The following KIAA0319L variants were observed in gnomAD, a reference collection of about 807,000 sequenced individuals.
The protein encoded by KIAA0319L is dyslexia-associated protein KIAA0319-like protein.
Under a neutral mutation model 120.1 loss-of-function variants are expected in KIAA0319L, and 55 were observed. The observed-to-expected ratio is 0.46, with a 90% CI of 0.37 to 0.57. The LOEUF is 0.57. Ranked by LOEUF, KIAA0319L falls within the 20% of genes least tolerant of loss-of-function variation. The pLI, the probability that KIAA0319L is intolerant of heterozygous loss-of-function variation, is 0.00. For synonymous variants in KIAA0319L, 398 were observed against 471.9 expected (o/e 0.84, Z 2.03); for missense variants, 1,049 against 1,255.3 (o/e 0.84, Z 2.48).
chr1:35,447,569 T>C (rs1257178536), intron 16 of KIAA0319L, among the ~76,000 whole-genome samples: 1 of 151,034 alleles, frequency 6.6e-6, no homozygotes, highest in Non-Finnish European at 1.5e-5. Flanking sequence ...TTCCCCTTTT[T>C]TTTTCTTTTT....
chr1:35,509,779 A>C (rs1645353353), intron 2 of KIAA0319L: 1 of 153,124 alleles, frequency 6.5e-6, no homozygotes, highest in African/African-American at 2.4e-5. Flanking sequence ...GAATGGAGAT[A>C]ACCTAATAAT....
chr1:35,549,484 C>G (rs1183298515), intron 2 of KIAA0319L, among the ~76,000 whole-genome samples: 1 of 152,168 alleles, frequency 6.6e-6, no homozygotes, highest in Non-Finnish European at 1.5e-5. Context: ...TCTCTGTACT[C>G]AAAATACGTA....
In KIAA0319L at chr1:35,541,183, C is replaced by T. The variant is rs536828389; in HGVS notation, c.142+13167G>A. On this transcript the variant is annotated intron_variant, in intron 2 of 20. Transcript: ENST00000325722. ...TCTCAAACTTCTGGCCTCAAACGAT[C>T]CACCTGCCTCGGCCTCCCAAACTGC... 4.6e-5 allele frequency among the ~76,000 whole-genome samples: 7 copies of T among 152,184 alleles called. No homozygotes were observed. The East Asian group carries it at 7.7e-4, about 17-fold the overall frequency.
intron 2 of KIAA0319L, among the ~76,000 whole-genome samples, chr1:35,539,136 C>T (rs1442918230): frequency 1.3e-5 from 2 of 152,154 alleles, no homozygotes; most frequent in Admixed American, 1.3e-4. Context: ...CGTACACATA[C>T]GGCCTTTACT....
intron 20 of KIAA0319L, 99 bp from the exon 21 acceptor site, chr1:35,435,180 A>T: frequency 9.5e-7 from 1 of 1,055,148 alleles, no homozygotes; most frequent in East Asian, 2.4e-5. Context: ...GAACAGGGCA[A>T]GTCACAGGCT....
At chr1:35,545,271 G>A (rs1646941214) in intron 2 of KIAA0319L, among the ~76,000 whole-genome samples, 1 of 152,242 alleles carries the variant, frequency 6.6e-6, no homozygotes, top group East Asian at 1.9e-4. Context: ...AGAGTGAAGA[G>A]TGAAGCAATC....
intron 2 of KIAA0319L, among the ~76,000 whole-genome samples, chr1:35,545,243 G>A (rs1646939902): frequency 6.6e-6 from 1 of 152,122 alleles, no homozygotes; most frequent in Admixed American, 6.6e-5. Context: ...GAGCATGCTG[G>A]AACTCTGGCC....
intron 3 of KIAA0319L, among the ~76,000 whole-genome samples, chr1:35,490,048 C>T (rs777778581): frequency 6.6e-6 from 1 of 152,132 alleles, no homozygotes; most frequent in Non-Finnish European, 1.5e-5. Flanking sequence ...GCAGCCTCGA[C>T]CTCCCAGGCT....
At position 35,437,444 on chromosome 1, in the gene KIAA0319L, C is replaced by G. The variant is rs1259862377; in HGVS notation, c.2963-2363G>C. Among the ~76,000 whole-genome samples the G allele has an allele frequency of 6.6e-6, 1 of 152,218 alleles. No individual in the cohort carries two copies. The highest frequency in any genetic ancestry group is 2.4e-5 in the African/African-American group (1 of 41,456). On this transcript the variant is annotated intron_variant, in intron 20 of 20. Coordinates refer to ENST00000325722, the MANE Select transcript of KIAA0319L (RefSeq NM_024874.5). This position sits in a 1 kb window ranked among gnomAD's most constrained non-coding sequence, Gnocchi z 4.1. ...GCCCTTCTCTGAGGAAGAGGAGGCCCTTGCCCTCTGCCTGCCATCCTGCTT... is the reference window on the plus strand; with the variant it reads ...GCCCTTCTCTGAGGAAGAGGAGGCCGTTGCCCTCTGCCTGCCATCCTGCTT...
At chr1:35,440,863 T>A in intron 20 of KIAA0319L, 184 bp downstream of exon 20, 1 of 631,154 alleles carries the variant, frequency 1.6e-6, no homozygotes, top group Non-Finnish European at 2.9e-6. Flanking sequence ...AAGTGGGTCC[T>A]GGAGGCATTT....
intron 3 of KIAA0319L, among the ~76,000 whole-genome samples, chr1:35,488,143 C>T (rs1340612760): frequency 2.0e-5 from 3 of 152,202 alleles, no homozygotes; most frequent in African/African-American, 7.2e-5. Context: ...ATTCTTTTCA[C>T]TCCCAGTTGC....
chr1:35,455,882 A>G, intron 10 of KIAA0319L, 131 bp downstream of exon 10: 1 of 732,874 alleles, frequency 1.4e-6, no homozygotes, highest in Non-Finnish European at 2.3e-6. Context: ...CCCGGCCAAG[A>G]TAAAGATTTT....
At chr1:35,485,590 G>A (rs907599218) in intron 3 of KIAA0319L, among the ~76,000 whole-genome samples, 3 of 152,172 alleles carry the variant, frequency 2.0e-5, no homozygotes, top group East Asian at 1.9e-4. Flanking sequence ...GCCCTTCTAT[G>A]GCTCTCTTAT....
chr1:35,538,590 C>CAAAAAAAA, intron 2 of KIAA0319L, among the ~76,000 whole-genome samples: 1 of 31,916 alleles, frequency 3.1e-5, no homozygotes, highest in Non-Finnish European at 8.3e-5. Context: ...AACTCTGTCT[C>CAAAAAAAA]AAAAAAAAAA....
chr1:35,484,494 T>A (rs1644287861), intron 3 of KIAA0319L, among the ~76,000 whole-genome samples: 1 of 152,148 alleles, frequency 6.6e-6, no homozygotes, highest in Non-Finnish European at 1.5e-5. Context: ...TGCCCTTATA[T>A]CCTGCAATCT....
At chr1:35,480,824 T>C (rs1235254633) in intron 3 of KIAA0319L, among the ~76,000 whole-genome samples, 1 of 152,004 alleles carries the variant, frequency 6.6e-6, no homozygotes, top group East Asian at 1.9e-4. Flanking sequence ...ATAATTCACA[T>C]AAACTACACA....
upstream of KIAA0319L, chr1:35,557,565 G>A (rs981913919): frequency 2.0e-5 from 8 of 408,716 alleles, no homozygotes; most frequent in East Asian, 7.1e-5. Context: ...AAGGAATCTG[G>A]GCCCCCAGCC....
intron 3 of KIAA0319L, among the ~76,000 whole-genome samples, chr1:35,486,879 C>T (rs567736710): frequency 6.6e-6 from 1 of 152,144 alleles, no homozygotes; most frequent in Non-Finnish European, 1.5e-5. Flanking sequence ...CTACTGCACT[C>T]CAGCCTGGGC....
At chr1:35,449,080 T>C (rs1027540074) in intron 15 of KIAA0319L, among the ~76,000 whole-genome samples, 1 of 152,266 alleles carries the variant, frequency 6.6e-6, no homozygotes, top group Non-Finnish European at 1.5e-5. Flanking sequence ...ATCTGTGATC[T>C]GACTTTAAAC....
Sources: gnomAD v4.1 joint callset for allele counts (sites outside exome capture counted in the v4.1 genomes callset) on GRCh38, gnomAD v4.1.1 for gene constraint, Gnocchi (gnomAD v3.1) non-coding constraint, MANE v1.5 for transcripts, NCBI Gene and HGNC (gene_info 2026-07-23, HGNC 2026-07-21) for gene names.